The following VPS13A variants were observed in gnomAD, a reference collection of about 807,000 sequenced individuals.
The protein encoded by VPS13A is vacuolar protein sorting 13 homolog A, also known as intermembrane lipid transfer protein VPS13A.
In VPS13A, 264 loss-of-function variants were observed where a neutral mutation model predicts 390.9. The ratio of observed to expected loss-of-function variants is 0.68; its 90% CI spans 0.61 to 0.75. The LOEUF (loss-of-function observed/expected upper bound fraction) is 0.75, where lower values mean the gene tolerates loss of function less well. Among genes scored for constraint, VPS13A ranks in the 30% least tolerant of loss-of-function variants. The probability of loss-of-function intolerance (pLI) is 0.00; values close to 1 mark genes in which losing one functional copy is unlikely to be tolerated. For missense variants in VPS13A, 3,409 were observed against 3,733.9 expected (o/e 0.91, Z 2.27); for synonymous variants, 1,231 against 1,227.1 (o/e 1.00, Z -0.07).
In VPS13A at chr9:77,321,761, A is replaced by G. The variant is rs1233001724; in HGVS notation, c.5830+15A>G. On this transcript the variant is annotated intron_variant, in intron 44 of 71. Coordinates refer to ENST00000360280, the MANE Select transcript of VPS13A (RefSeq NM_033305.3). ...CATTCTTCTTAGTAAGTAGTTGAAAAATTACCTTCCTGGGGCTATTTTGTT... is the reference window on the plus strand; with the variant it reads ...CATTCTTCTTAGTAAGTAGTTGAAAGATTACCTTCCTGGGGCTATTTTGTT... 1 of 1,612,712 alleles carries G rather than the reference A, an allele frequency of 6.2e-7. No homozygotes were observed. The highest frequency in any genetic ancestry group is 1.3e-5 in the African/African-American group (1 of 74,858).
chr9:77,379,065 C>CTTTTTTTTTT lies in VPS13A; in HGVS notation c.9078-2896_9078-2887dup, dbSNP rs71503211. On this transcript the variant is annotated intron_variant, in intron 67 of 71. Transcript: ENST00000360280. ...GTATCATACTTGTATATTTTCAGTC[C>CTTTTTTTTTT]TTTTTTTTTTTTTTTTTTTTTTTTG... Among the ~76,000 whole-genome samples, 66 of 72,406 alleles carry CTTTTTTTTTT rather than the reference C, an allele frequency of 9.1e-4. 3 individuals carry two copies. The highest frequency in any genetic ancestry group is 1.1e-3 in the South Asian group (2 of 1,866). The allele number at this position is 72,406 out of a possible 152,430, so 47.5% of individuals were successfully genotyped here. A position where few individuals can be genotyped will look rare whatever the true frequency, so the allele number is the denominator to read the frequency against.
At chr9:77,256,443 A>C (rs560969212) in intron 22 of VPS13A, among the ~76,000 whole-genome samples, 2 of 152,206 alleles carry the variant, frequency 1.3e-5, no homozygotes, top group South Asian at 4.1e-4. Context: ...TTTCATATGC[A>C]CTTGAGAAAA....
chr9:77,291,607 T>C (rs1325809859), intron 31 of VPS13A, among the ~76,000 whole-genome samples: 1 of 152,170 alleles, frequency 6.6e-6, no homozygotes, highest in Non-Finnish European at 1.5e-5. Context: ...TTTTGCTCCG[T>C]GCTGAGCCTT....
chr9:77,191,335 C>G (rs1326187237), intron 1 of VPS13A, among the ~76,000 whole-genome samples: 1 of 148,294 alleles, frequency 6.7e-6, no homozygotes, highest in South Asian at 2.1e-4. Context: ...GCCCTGTTGC[C>G]GAGGCTGAAG....
At position 77,395,520 on chromosome 9, in the gene VPS13A, C is replaced by T. The variant is rs531291602; in HGVS notation, c.9190-7716C>T. 5.3e-5 allele frequency among the ~76,000 whole-genome samples: 8 copies of T among 152,166 alleles called. No individual in the cohort carries two copies. In the South Asian group the frequency reaches 1.2e-3, roughly 24 times the overall value. On this transcript the variant is annotated intron_variant, in intron 68 of 71. Transcript: ENST00000360280. ...ATTAACAAAATGTGACTTAGAGACA[C>T]GAAATGAGCATGTGCTGTTGGACAA... is the stretch of plus-strand genomic sequence containing the variant.
chr9:77,403,163 C>A, intron 68 of VPS13A, 73 bp from the exon 69 acceptor site: 1 of 1,046,926 alleles, frequency 9.6e-7, no homozygotes, highest in East Asian at 2.4e-5. Context: ...TTTTAGAGGA[C>A]TATAAGGCAT....
rs1590011515 is a variant in VPS13A, at chr9:77,214,449, A to G, written c.754+63A>G. ...TAATTGGTATAAATTTTAAATTAGCATTGTTGCTATCACTGTGCTAGTTCC... is the reference window on the plus strand; with the variant it reads ...TAATTGGTATAAATTTTAAATTAGCGTTGTTGCTATCACTGTGCTAGTTCC... On this transcript the variant is annotated intron_variant, in intron 10 of 71. Transcript: ENST00000360280. 5.9e-6 allele frequency: 8 copies of G among 1,344,990 alleles called. No homozygotes were observed. The East Asian group carries it at 1.9e-4, about 32-fold the overall frequency. The allele number at this position is 1,344,990 out of a possible 1,614,324, so 83.3% of individuals were successfully genotyped here.
At chr9:77,325,378 T>A (rs1272577135) in intron 45 of VPS13A, among the ~76,000 whole-genome samples, 4 of 150,902 alleles carry the variant, frequency 2.7e-5, no homozygotes, top group Admixed American at 6.6e-5. Context: ...GGGGTTTCTG[T>A]AGCCACCATG....
At chr9:77,232,322 G>A (rs955187430) in intron 17 of VPS13A, among the ~76,000 whole-genome samples, 6 of 152,122 alleles carry the variant, frequency 3.9e-5, no homozygotes, top group African/African-American at 1.4e-4. Flanking sequence ...ATTTGATAGG[G>A]ATTGCATTCA....
rs774321287 is a variant in VPS13A at position 77,356,808 on chromosome 9, GA to G, written c.7749del (p.Glu2583AspfsTer23). ...HTEKLEREFK[E>X]YTESSPSEDK... ...TGAGAAGTTAGAGAGAGAATTTAAG[GA>G]ATATACTGAATCTTCTCCTTCAGAA... On this transcript the variant is annotated frameshift_variant, in exon 55 of 72. Coordinates refer to ENST00000360280, the MANE Select transcript of VPS13A (RefSeq NM_033305.3). LOFTEE classifies it high-confidence loss of function. 6.2e-7 allele frequency: 1 copy of G among 1,613,816 alleles called. No homozygotes were observed. Among genetic ancestry groups the G allele is most frequent in the South Asian group, 1.1e-5 (1 of 91,066 alleles).
chr9:77,407,092 T>C (rs1467141338), intron 70 of VPS13A, among the ~76,000 whole-genome samples: 5 of 152,190 alleles, frequency 3.3e-5, no homozygotes, highest in African/African-American at 1.2e-4. Context: ...CACGCACACA[T>C]GCACATACAA....
chr9:77,228,408 A>G, intron 17 of VPS13A, 144 bp downstream of exon 17: 1 of 695,666 alleles, frequency 1.4e-6, no homozygotes, highest in Non-Finnish European at 2.2e-6. Flanking sequence ...TTTTTTTTTT[A>G]ATTGTTAAGA....
Position 77,321,499 on chromosome 9 carries a change from A to G in VPS13A, c.5583A>G (p.Thr1861=), listed in dbSNP as rs17423984. ...TAACTCTTTCTTATTAGGCATTTAC[A>G]GAAGCTGCCACTGGATCTTCAGCTG... ...VMLNNLVKAF[T]EAATGSSADF... is the part of the protein sequence containing the mutation. The change falls in exon 44 of 72, where the codon ACA becomes ACG. Residue 1861 remains threonine (T), a synonymous_variant. Coordinates refer to ENST00000360280, the MANE Select transcript of VPS13A (RefSeq NM_033305.3). 0.081 allele frequency: 130,892 copies of G among 1,613,086 alleles called. 6,063 individuals are homozygous for G. The highest frequency in any genetic ancestry group is 0.13 in the South Asian group (11,558 of 91,030).
chr9:77,297,636 A>T (rs752859215), intron 33 of VPS13A, among the ~76,000 whole-genome samples: 1 of 151,658 alleles, frequency 6.6e-6, no homozygotes, highest in Non-Finnish European at 1.5e-5. Context: ...ACTCCATCCT[A>T]GATGGAAGGA....
rs920693167 is a variant in VPS13A at position 77,307,880 on chromosome 9, A to T, written c.3961-65A>T. ...TTCATTTTTCTCCTCTGAGAATTTT[A>T]ACTGCAGTTAAATTCTGCAATGAAG... On this transcript the variant is annotated intron_variant, in intron 34 of 71. Coordinates refer to ENST00000360280, the MANE Select transcript of VPS13A (RefSeq NM_033305.3). The T allele has an allele frequency of 6.1e-6, 8 of 1,307,956 alleles. No individual in the cohort carries two copies. The African/African-American group carries it at 1.2e-4, about 19-fold the overall frequency. The allele number at this position is 1,307,956 out of a possible 1,614,324, so 81.0% of individuals were successfully genotyped here.
intron 26 of VPS13A, chr9:77,279,947 G>A: frequency 2.4e-6 from 1 of 415,838 alleles, no homozygotes; most frequent in Non-Finnish European, 4.5e-6. Context: ...TCAGTGTTGT[G>A]GCACATGAGG....
intron 53 of VPS13A, among the ~76,000 whole-genome samples, chr9:77,352,787 C>T (rs12349179): frequency 0.19 from 28,195 of 151,876 alleles, 2,781 homozygotes; most frequent in Middle Eastern, 0.24. Flanking sequence ...CTGTATATTG[C>T]AACGTGAAGG....
chr9:77,230,670 C>T (rs1823781852), intron 17 of VPS13A, among the ~76,000 whole-genome samples: 2 of 151,966 alleles, frequency 1.3e-5, no homozygotes, highest in South Asian at 4.2e-4. Flanking sequence ...ATGACTCTTC[C>T]AGTTTTGTTT....
chr9:77,275,503 G>A lies in VPS13A; in HGVS notation c.2518G>A (p.Glu840Lys). The A allele has an allele frequency of 6.2e-7, 1 of 1,613,560 alleles. No individual in the cohort carries two copies. The highest frequency in any genetic ancestry group is 1.1e-5 in the South Asian group (1 of 91,054). ...ELPSVSEDDS[E>K]EEFFDAPCSP... ...TAATGTTCTGTGAAATGTAGATTCA[G>A]AGGAGGAATTTTTTGATGCACCATG... Residue 840 changes from glutamate to lysine, a missense_variant, in exon 25 of 72, where the codon GAG becomes AAG. Transcript: ENST00000360280.
Sources: gnomAD v4.1 joint callset for allele counts (sites outside exome capture counted in the v4.1 genomes callset) on GRCh38, gnomAD v4.1.1 for gene constraint, MANE v1.5 for transcripts, NCBI Gene and HGNC (gene_info 2026-07-23, HGNC 2026-07-21) for gene names.